SLC1A1: variants seen among roughly 807,000 people sequenced by gnomAD.
SLC1A1 encodes excitatory amino acid transporter 3.
In SLC1A1, 43 loss-of-function variants were observed where a neutral mutation model predicts 53.3. The observed-to-expected ratio is 0.81, with a 90% CI of 0.63 to 1.04. The LOEUF (loss-of-function observed/expected upper bound fraction) is 1.04, where lower values mean the gene tolerates loss of function less well. Among genes scored for constraint, SLC1A1 ranks in the 50% least tolerant of loss-of-function variants. SLC1A1 has a pLI of 0.00. For missense variants in SLC1A1, 748 were observed against 664.9 expected, an observed-to-expected ratio of 1.12 and a Z score of -1.37; for synonymous variants, 307 against 243.2, an observed-to-expected ratio of 1.26 and a Z score of -2.44.
intron 8 of SLC1A1, among the ~76,000 whole-genome samples, chr9:4,574,932 G>T (rs943106088): frequency 6.6e-6 from 1 of 152,188 alleles, no homozygotes; most frequent in Non-Finnish European, 1.5e-5. Flanking sequence ...CCTACAGTGT[G>T]AGGCCCCTGG....
At chr9:4,564,921 T>C (rs1284116270) in intron 4 of SLC1A1, among the ~76,000 whole-genome samples, 2 of 152,250 alleles carry the variant, frequency 1.3e-5, no homozygotes, top group African/African-American at 4.8e-5. Flanking sequence ...TTAGTGCATT[T>C]ATTCACCAAT....
At chr9:4,563,664 T>A (rs1227717493) in intron 3 of SLC1A1, among the ~76,000 whole-genome samples, 2 of 152,194 alleles carry the variant, frequency 1.3e-5, no homozygotes, top group African/African-American at 4.8e-5. Flanking sequence ...CAGCCTCCCA[T>A]CTTGGCTTGG....
intron 11 of SLC1A1, among the ~76,000 whole-genome samples, chr9:4,585,088 A>G (rs768084657): frequency 2.0e-5 from 3 of 152,164 alleles, no homozygotes; most frequent in Non-Finnish European, 2.9e-5. Flanking sequence ...AGAGGAAGGA[A>G]TTTAGGGAGA....
At chr9:4,495,259 G>C (rs147696661) in intron 1 of SLC1A1, among the ~76,000 whole-genome samples, 94 of 152,324 alleles carry the variant, frequency 6.2e-4, no homozygotes, top group Non-Finnish European at 9.3e-4. Flanking sequence ...TGGCTCAGCA[G>C]TGTTTAGGAA....
intron 1 of SLC1A1, among the ~76,000 whole-genome samples, chr9:4,542,842 C>A (rs1458495112): frequency 6.6e-6 from 1 of 152,006 alleles, no homozygotes; most frequent in African/African-American, 2.4e-5. Flanking sequence ...AAATAGAAAC[C>A]AAATAGCATT....
intron 1 of SLC1A1, among the ~76,000 whole-genome samples, chr9:4,499,014 T>C (rs1300220399): frequency 7.0e-6 from 1 of 142,750 alleles, no homozygotes; most frequent in Non-Finnish European, 1.5e-5. Flanking sequence ...ATATTATATA[T>C]ATATAAGATT....
chr9:4,554,099 C>G (rs925817491), intron 2 of SLC1A1: 3 of 152,224 alleles, frequency 2.0e-5, no homozygotes, highest in African/African-American at 7.2e-5. Context: ...GGGACCTTAA[C>G]TCCATCTTTA....
intron 1 of SLC1A1, among the ~76,000 whole-genome samples, chr9:4,498,335 T>C (rs1820512163): frequency 6.6e-6 from 1 of 152,216 alleles, no homozygotes; most frequent in Admixed American, 6.5e-5. Context: ...TATTATTAGA[T>C]GGTTTATTAC....
Position 4,583,102 on chromosome 9 carries a change from G to A in SLC1A1, c.1258G>A (p.Val420Met), listed in dbSNP as rs1193013625. Residue 420 changes from valine (V) to methionine (M), a missense_variant, in exon 11 of 12, where the codon GTG (valine) becomes ATG (methionine). Val to Met is a conservative substitution (Grantham distance 21). Transcript: ENST00000262352. This position sits in a 1 kb window ranked among gnomAD's most constrained non-coding sequence, Gnocchi z 4.6. ...GCCCCAGGCTGGCCTGGTGACCATG[G>A]TGATTGTGCTGAGTGCCGTGGGCCT... ...GVPQAGLVTM[V>M]IVLSAVGLPA... 1 of 1,614,224 alleles carries A rather than the reference G, an allele frequency of 6.2e-7. No individual in the cohort carries two copies. The highest frequency in any genetic ancestry group is 8.5e-7 in the Non-Finnish European group (1 of 1,180,030).
chr9:4,580,815 G>A (rs1291180130), intron 10 of SLC1A1, among the ~76,000 whole-genome samples: 2 of 152,124 alleles, frequency 1.3e-5, no homozygotes, highest in African/African-American at 2.4e-5. Context: ...AGCAGCGACA[G>A]CAGCAATAGA....
intron 2 of SLC1A1, among the ~76,000 whole-genome samples, chr9:4,552,041 C>G (rs1159101689): frequency 1.3e-5 from 2 of 152,170 alleles, no homozygotes; most frequent in Non-Finnish European, 2.9e-5. Flanking sequence ...GAGAATCAAC[C>G]ATGCATGAGC....
chr9:4,518,699 A>G (rs1815952864), intron 1 of SLC1A1, among the ~76,000 whole-genome samples: 1 of 152,112 alleles, frequency 6.6e-6, no homozygotes, highest in Non-Finnish European at 1.5e-5. Flanking sequence ...CATTCTGTCC[A>G]TCAAGGTAGA....
intron 3 of SLC1A1, among the ~76,000 whole-genome samples, chr9:4,563,053 G>T (rs911769500): frequency 2.7e-5 from 4 of 149,832 alleles, no homozygotes; most frequent in African/African-American, 9.9e-5. Context: ...CACCAGCATG[G>T]CACATGTATA....
intron 1 of SLC1A1, among the ~76,000 whole-genome samples, chr9:4,497,007 G>A (rs1820450748): frequency 6.6e-6 from 1 of 152,122 alleles, no homozygotes; most frequent in African/African-American, 2.4e-5. Flanking sequence ...ACCTAGTTGG[G>A]GATTGGCCAG....
intron 1 of SLC1A1, among the ~76,000 whole-genome samples, chr9:4,499,659 G>A (rs1820568038): frequency 6.6e-6 from 1 of 152,232 alleles, no homozygotes; most frequent in African/African-American, 2.4e-5. Flanking sequence ...CTCTGCACAT[G>A]CAGGTTGGTA....
intron 2 of SLC1A1, among the ~76,000 whole-genome samples, chr9:4,554,555 A>G (rs1413221392): frequency 6.6e-6 from 1 of 152,128 alleles, no homozygotes; most frequent in Admixed American, 6.5e-5. Context: ...GAGGAAGAGC[A>G]CTCCAGGCAG....
At chr9:4,553,039 T>TA (rs1214636367) in intron 2 of SLC1A1, among the ~76,000 whole-genome samples, 1 of 152,100 alleles carries the variant, frequency 6.6e-6, no homozygotes, top group Non-Finnish European at 1.5e-5. Context: ...AAGTCCGAGA[T>TA]ACCAATTTTA....
chr9:4,539,810 T>C (rs1816850465), intron 1 of SLC1A1, among the ~76,000 whole-genome samples: 1 of 152,108 alleles, frequency 6.6e-6, no homozygotes, highest in African/African-American at 2.4e-5. Flanking sequence ...GACCTCGTGA[T>C]CCATCTGCCT....
At chr9:4,537,813 G>C (rs949956147) in intron 1 of SLC1A1, among the ~76,000 whole-genome samples, 2 of 151,900 alleles carry the variant, frequency 1.3e-5, no homozygotes, top group East Asian at 1.9e-4. Context: ...TGGAATTTTG[G>C]GGGGGTAATG....
Sources: gnomAD v4.1 joint callset for allele counts (sites outside exome capture counted in the v4.1 genomes callset) on GRCh38, gnomAD v4.1.1 for gene constraint, Gnocchi (gnomAD v3.1) non-coding constraint, MANE v1.5 for transcripts, NCBI Gene and HGNC (gene_info 2026-07-23, HGNC 2026-07-21) for gene names.